Variants in OSBPL9 observed in about 807,000 individuals in gnomAD.
OSBPL9 encodes the protein oxysterol binding protein like 9, also known as oxysterol-binding protein-related protein 9.
In OSBPL9, 40 loss-of-function variants were observed where a neutral mutation model predicts 106.6. The ratio of observed to expected loss-of-function variants is 0.38; its 90% CI spans 0.29 to 0.49. The LOEUF is 0.49. Among genes scored for constraint, OSBPL9 ranks in the 20% least tolerant of loss-of-function variants. The pLI is 0.97. For missense variants in OSBPL9, 609 were observed against 887.2 expected, an observed-to-expected ratio of 0.69 and a Z score of 3.98; for synonymous variants, 269 against 295.4, an observed-to-expected ratio of 0.91 and a Z score of 0.92.
chr1:51,592,675 C>T (rs1323339768), intron 1 of OSBPL9, among the ~76,000 whole-genome samples: 3 of 152,184 alleles, frequency 2.0e-5, no homozygotes, highest in Non-Finnish European at 4.4e-5. Flanking sequence ...CAGACCAAAC[C>T]TTCCTGGACA....
chr1:51,561,895 A>G, the OSBPL9 span: 1 of 152,202 alleles, frequency 6.6e-6, no homozygotes, highest in Non-Finnish European at 1.5e-5. Flanking sequence ...TTTACCTGCC[A>G]AAGGTCCAGG....
chr1:51,669,225 A>G (rs1475477536), intron 2 of OSBPL9, among the ~76,000 whole-genome samples: 1 of 152,200 alleles, frequency 6.6e-6, no homozygotes, highest in Non-Finnish European at 1.5e-5. Flanking sequence ...AAGGCATAGA[A>G]TGTACCTGTA....
At chr1:51,518,505 T>G in the OSBPL9 span, 1 of 152,810 alleles carries the variant, frequency 6.5e-6, no homozygotes, top group Non-Finnish European at 1.5e-5. Flanking sequence ...AAGGCTGCAT[T>G]GGGGGTCTGA....
intron 11 of OSBPL9, among the ~76,000 whole-genome samples, chr1:51,765,186 G>T (rs959824087): frequency 6.6e-6 from 1 of 152,108 alleles, no homozygotes; most frequent in African/African-American, 2.4e-5. Context: ...TCTTTAGTTA[G>T]ACTATTTAGG....
At chr1:51,754,850 T>TC (rs1491129251) in intron 8 of OSBPL9, among the ~76,000 whole-genome samples, 1 of 152,182 alleles carries the variant, frequency 6.6e-6, no homozygotes, top group African/African-American at 2.4e-5. Context: ...TCACTCAGAC[T>TC]GGAGTGCAGT....
the OSBPL9 span, among the ~76,000 whole-genome samples, chr1:51,559,802 G>C: frequency 2.0e-5 from 3 of 152,032 alleles, no homozygotes; most frequent in Admixed American, 6.5e-5. Context: ...ATATTAATAT[G>C]GTCACATATG....
the OSBPL9 span, among the ~76,000 whole-genome samples, chr1:51,571,189 T>C: frequency 1.3e-5 from 2 of 152,148 alleles, no homozygotes; most frequent in Non-Finnish European, 2.9e-5. Context: ...AACAGGTGCA[T>C]CTTTATATTC....
rs543101385 is a variant in OSBPL9, at chr1:51,706,859, T to A, written c.242-7144T>A. Among the ~76,000 whole-genome samples the A allele has an allele frequency of 1.1e-4, 16 of 152,306 alleles. No homozygotes were observed. In the South Asian group the frequency reaches 2.3e-3, roughly 22 times the overall value. On this transcript the variant is annotated intron_variant, in intron 3 of 23. Transcript: ENST00000428468. ...TGGATTATTTAGAAGTATTTATTTT[T>A]AAAAATTCCAAAACATCTCAGTATT...
At chr1:51,628,265 T>C (rs1448235552) in intron 1 of OSBPL9, among the ~76,000 whole-genome samples, 1 of 152,250 alleles carries the variant, frequency 6.6e-6, no homozygotes, top group Non-Finnish European at 1.5e-5. Context: ...AATCATTTTA[T>C]ACATGATATT....
intron 12 of OSBPL9, among the ~76,000 whole-genome samples, chr1:51,766,268 G>A (rs895888749): frequency 2.6e-5 from 4 of 152,186 alleles, no homozygotes; most frequent in African/African-American, 7.2e-5. Flanking sequence ...ATGTGCCAGC[G>A]TTATTAGTTG....
At chr1:51,625,205 G>A (rs1184192562) in intron 1 of OSBPL9, among the ~76,000 whole-genome samples, 1 of 152,166 alleles carries the variant, frequency 6.6e-6, no homozygotes, top group Non-Finnish European at 1.5e-5. Context: ...TCTGTTGCAA[G>A]CAGTTTTCTT....
intron 10 of OSBPL9, 22 bp downstream of exon 10, chr1:51,760,802 T>C (rs1461988428): frequency 6.2e-7 from 1 of 1,611,346 alleles, no homozygotes; most frequent in African/African-American, 1.3e-5. Context: ...AAATGTTTCT[T>C]AGATTCATTG....
chr1:51,736,730 C>T (rs570045507), intron 4 of OSBPL9, among the ~76,000 whole-genome samples: 2 of 152,052 alleles, frequency 1.3e-5, no homozygotes, highest in Non-Finnish European at 2.9e-5. Flanking sequence ...AAGTAGACTC[C>T]AGATAGGCTT....
chr1:51,665,633 C>T (rs1281296588), intron 2 of OSBPL9, among the ~76,000 whole-genome samples: 1 of 151,938 alleles, frequency 6.6e-6, no homozygotes, highest in African/African-American at 2.4e-5. Context: ...ACCAGAGCAT[C>T]AGATCAATTG....
At chr1:51,543,012 G>A in the OSBPL9 span, among the ~76,000 whole-genome samples, 1 of 152,150 alleles carries the variant, frequency 6.6e-6, no homozygotes, top group Non-Finnish European at 1.5e-5. Context: ...AATCCTTCAT[G>A]TGTAAAAAGA....
intron 4 of OSBPL9, among the ~76,000 whole-genome samples, chr1:51,741,298 A>G (rs1571457148): frequency 6.6e-6 from 1 of 152,216 alleles, no homozygotes; most frequent in Middle Eastern, 3.4e-3. Flanking sequence ...AACTGGATAC[A>G]TAGATTCTGG....
chr1:51,551,487 G>C, the OSBPL9 span, among the ~76,000 whole-genome samples: 1 of 152,030 alleles, frequency 6.6e-6, no homozygotes, highest in South Asian at 2.1e-4. Flanking sequence ...TTAGAATGTA[G>C]AATTTCAAAA....
chr1:51,716,812 C>A (rs76052258), intron 4 of OSBPL9, among the ~76,000 whole-genome samples: 242 of 152,238 alleles, frequency 1.6e-3, no homozygotes, highest in Non-Finnish European at 3.0e-3. Context: ...ATCTCAGCAA[C>A]CTACCTTTAA....
At chr1:51,593,430 C>T (rs1385603826) in intron 1 of OSBPL9, among the ~76,000 whole-genome samples, 1 of 152,078 alleles carries the variant, frequency 6.6e-6, no homozygotes, top group Non-Finnish European at 1.5e-5. Context: ...CCCTAACCCC[C>T]TTGGTATATG....
Sources: allele counts gnomAD v4.1 joint callset (sites outside exome capture counted in the v4.1 genomes callset), GRCh38; gene constraint gnomAD v4.1.1; transcripts MANE v1.5; gene names NCBI Gene and HGNC (gene_info 2026-07-23, HGNC 2026-07-21).